Variants in VPS37A observed in about 807,000 individuals in gnomAD.
VPS37A encodes the protein vacuolar protein sorting-associated protein 37A.
VPS37A carries 30 observed loss-of-function variants against 49.8 expected under a neutral mutation model. That is an observed-to-expected ratio of 0.60 (90% CI 0.45 to 0.82). The LOEUF (loss-of-function observed/expected upper bound fraction) is 0.82, where lower values mean the gene tolerates loss of function less well. Among genes scored for constraint, VPS37A ranks in the 40% least tolerant of loss-of-function variants. VPS37A has a pLI of 0.00. For missense variants in VPS37A, 593 were observed against 464.4 expected, an observed-to-expected ratio of 1.28 and a Z score of -2.55; for synonymous variants, 195 against 160.6, an observed-to-expected ratio of 1.21 and a Z score of -1.62.
intron 4 of VPS37A, among the ~76,000 whole-genome samples, chr8:17,270,403 G>A (rs1347300096): frequency 2.0e-5 from 3 of 152,098 alleles, no homozygotes; most frequent in Non-Finnish European, 2.9e-5. Flanking sequence ...TTGGCTTAAT[G>A]GTTAGACTTC....
chr8:17,275,233 C>T lies in VPS37A; in HGVS notation c.642+275C>T, dbSNP rs138400737. On this transcript the variant is annotated intron_variant, in intron 5 of 11. Transcript: ENST00000324849. Reference sequence around the variant, plus strand: ...AGGGACCAAGGTAGAACTAGTAGATCGCCTTTACAAAAAATGTGATTCTGG... The same window carrying T: ...AGGGACCAAGGTAGAACTAGTAGATTGCCTTTACAAAAAATGTGATTCTGG... Among the ~76,000 whole-genome samples, 6 of 152,228 alleles carry T rather than the reference C, an allele frequency of 3.9e-5. No homozygotes were observed. The East Asian group carries it at 9.7e-4, about 25-fold the overall frequency.
At chr8:17,299,751 T>C, downstream of VPS37A, 1 of 1,454,150 alleles carries the variant, frequency 6.9e-7, no homozygotes, top group East Asian at 2.3e-5. Context: ...TGCATTAAAG[T>C]AGTTCTCAAT....
chr8:17,309,702 CTA>C, the VPS37A span, among the ~76,000 whole-genome samples: 3 of 152,176 alleles, frequency 2.0e-5, no homozygotes, highest in African/African-American at 7.2e-5. Flanking sequence ...GATCATGCTA[CTA>C]GGAAGGAGAC....
At chr8:17,326,320 A>G in the VPS37A span, 1 of 152,204 alleles carries the variant, frequency 6.6e-6, no homozygotes, top group Non-Finnish European at 1.5e-5. Context: ...GGCAACAACA[A>G]CTTCAATGAG....
chr8:17,261,488 G>A (rs765597842), intron 1 of VPS37A, among the ~76,000 whole-genome samples: 10 of 152,144 alleles, frequency 6.6e-5, no homozygotes, highest in Non-Finnish European at 1.0e-4. Flanking sequence ...TGTTTCATCC[G>A]CTTAGGGAAG....
intron 1 of VPS37A, among the ~76,000 whole-genome samples, chr8:17,260,528 T>C (rs986275083): frequency 4.6e-5 from 7 of 152,196 alleles, no homozygotes; most frequent in Non-Finnish European, 7.4e-5. Context: ...TGGGTTTCTC[T>C]GTGTATTTAA....
At position 17,265,978 on chromosome 8, in the gene VPS37A, A is replaced by T; in HGVS notation, c.197A>T (p.Asn66Ile). 1 of 1,610,898 alleles carries T rather than the reference A, an allele frequency of 6.2e-7. No homozygotes were observed. The highest frequency in any genetic ancestry group is 1.1e-5 in the South Asian group (1 of 90,776). ...FTINNLTININILLPPQFPQE... is the reference protein window; with the variant it reads ...FTINNLTINIIILLPPQFPQE... Reference sequence around the variant, plus strand: ...ATAAACAACCTGACAATTAACATTAATATGTGAGTAGAATTGTATCCTACT... The same window carrying T: ...ATAAACAACCTGACAATTAACATTATTATGTGAGTAGAATTGTATCCTACT... The change falls in exon 2 of 12, where the codon AAT becomes ATT. Residue 66 changes from asparagine to isoleucine, a missense_variant. By Grantham distance (149) the Asn-to-Ile change is moderately radical. Coordinates refer to ENST00000324849, the MANE Select transcript of VPS37A (RefSeq NM_152415.3).
downstream of VPS37A, among the ~76,000 whole-genome samples, chr8:17,305,328 CT>C (rs1244050673): frequency 6.6e-6 from 1 of 152,178 alleles, no homozygotes; most frequent in Admixed American, 6.5e-5. Context: ...AATTTATCTA[CT>C]TTTACCCTTG....
Position 17,295,639 on chromosome 8 carries a change from GA to G in VPS37A, c.*663del, listed in dbSNP as rs1019309099. The G allele has an allele frequency of 1.1e-4, 16 of 147,728 alleles. No homozygotes were observed. The highest frequency in any genetic ancestry group is 2.1e-4 in the South Asian group (1 of 4,692). The allele number at this position is 147,728 out of a possible 1,614,324, so 9.2% of individuals were successfully genotyped here. ...TACAAGTAAATATTTTACCTAATAG[GA>G]AAAAAAAAAGTTGCCTTTCATTTAA... On this transcript the variant is annotated 3_prime_UTR_variant, in exon 12 of 12. Coordinates refer to ENST00000324849, the MANE Select transcript of VPS37A (RefSeq NM_152415.3).
At chr8:17,268,623 A>G (rs1025877129) in intron 3 of VPS37A, among the ~76,000 whole-genome samples, 1 of 152,168 alleles carries the variant, frequency 6.6e-6, no homozygotes, top group Non-Finnish European at 1.5e-5. Flanking sequence ...CAAGTAAGGA[A>G]ATATTTTGGC....
chr8:17,318,796 AG>A, the VPS37A span, among the ~76,000 whole-genome samples: 1 of 152,266 alleles, frequency 6.6e-6, no homozygotes, highest in Admixed American at 6.5e-5. Flanking sequence ...TGTGCCCCCC[AG>A]GGACAGCTGA....
At chr8:17,326,113 C>A in the VPS37A span, among the ~76,000 whole-genome samples, 1 of 152,148 alleles carries the variant, frequency 6.6e-6, no homozygotes, top group Non-Finnish European at 1.5e-5. Flanking sequence ...CCTAGGACTT[C>A]ACACACTGAG....
chr8:17,259,591 G>C (rs1360072204), intron 1 of VPS37A, among the ~76,000 whole-genome samples: 1 of 152,050 alleles, frequency 6.6e-6, no homozygotes, highest in African/African-American at 2.4e-5. Flanking sequence ...AGGCCTATTA[G>C]GTCCAAAGTG....
At chr8:17,302,418 C>G, downstream of VPS37A, 1 of 880,458 alleles carries the variant, frequency 1.1e-6, no homozygotes. Context: ...AAAGCCACTA[C>G]TTAAGGTAAT....
At chr8:17,259,201 C>T (rs1479748541) in intron 1 of VPS37A, among the ~76,000 whole-genome samples, 2 of 151,976 alleles carry the variant, frequency 1.3e-5, no homozygotes, top group Non-Finnish European at 2.9e-5. Context: ...TTTTTTGATA[C>T]AGTCATTTAT....
At chr8:17,277,521 G>C (rs541993451) in intron 6 of VPS37A, among the ~76,000 whole-genome samples, 15 of 152,036 alleles carry the variant, frequency 9.9e-5, no homozygotes, top group African/African-American at 3.6e-4. Flanking sequence ...CTTCTATCCA[G>C]CTTTCTTGGA....
chr8:17,325,267 C>T, the VPS37A span, among the ~76,000 whole-genome samples: 1 of 152,080 alleles, frequency 6.6e-6, no homozygotes, highest in Non-Finnish European at 1.5e-5. Flanking sequence ...AACATGTGAC[C>T]GTCATACCCA....
chr8:17,264,253 G>C (rs1424180603), intron 1 of VPS37A, among the ~76,000 whole-genome samples: 1 of 152,154 alleles, frequency 6.6e-6, no homozygotes, highest in Non-Finnish European at 1.5e-5. Context: ...AGATGCTCTA[G>C]TTGACTTTGA....
intron 4 of VPS37A, among the ~76,000 whole-genome samples, chr8:17,272,940 C>T (rs1307388643): frequency 6.8e-6 from 1 of 147,894 alleles, no homozygotes; most frequent in Non-Finnish European, 1.5e-5. Context: ...AATTCCTGAG[C>T]TGTTTTATTC....
Sources: allele counts gnomAD v4.1 joint callset (sites outside exome capture counted in the v4.1 genomes callset), GRCh38; gene constraint gnomAD v4.1.1; transcripts MANE v1.5; gene names NCBI Gene and HGNC (gene_info 2026-07-23, HGNC 2026-07-21).